ASPM: variants seen among roughly 807,000 people sequenced by gnomAD.
The protein encoded by ASPM is abnormal spindle-like microcephaly-associated protein.
A neutral mutation model predicts 366.4 loss-of-function variants in ASPM; 256 were observed. The ratio of observed to expected loss-of-function variants is 0.70; its 90% CI spans 0.63 to 0.77. The LOEUF (loss-of-function observed/expected upper bound fraction) is 0.77. Among genes scored for constraint, ASPM ranks in the 30% least tolerant of loss-of-function variants. The pLI is 0.00. For synonymous variants in ASPM, 1,414 were observed against 1,342.9 expected, an observed-to-expected ratio of 1.05 and a Z score of -1.16; for missense variants, 4,146 against 4,090.4, an observed-to-expected ratio of 1.01 and a Z score of -0.37.
chr1:197,103,863 C>A lies in ASPM; in HGVS notation c.5388G>T (p.Lys1796Asn), dbSNP rs1219531461. ...HAYKAQVNQRKNFLQVKKAAT... is the reference protein window; with the variant it reads ...HAYKAQVNQRNNFLQVKKAAT... Reference sequence around the variant, plus strand: ...CTGCTTTTTTGACTTGCAAGAAGTTCTTCCTCTGATTGACCTGTGCTTTGT... The same window carrying A: ...CTGCTTTTTTGACTTGCAAGAAGTTATTCCTCTGATTGACCTGTGCTTTGT... The change falls in exon 18 of 28, where the codon AAG becomes AAT. Residue 1796 changes from lysine to asparagine, a missense_variant. By Grantham distance (94) the Lys-to-Asn change is moderately conservative (BLOSUM62 0). Transcript: ENST00000367409. 1.2e-6 allele frequency: 2 copies of A among 1,612,972 alleles called. No homozygotes were observed. The highest frequency in any genetic ancestry group is 2.2e-5 in the South Asian group (2 of 91,066).
chr1:197,101,304 T>G lies in ASPM; in HGVS notation c.7947A>C (p.Ala2649=), dbSNP rs1312582188. 1.9e-6 allele frequency: 3 copies of G among 1,611,942 alleles called. No homozygotes were observed. Among genetic ancestry groups the G allele is most frequent in the Admixed American group, 1.7e-5 (1 of 59,724 alleles). Residue 2649 remains alanine (A), a synonymous_variant, in exon 18 of 28, where the codon GCA becomes GCC. Transcript: ENST00000367409. ...KIRKHYLHLR[A]TVVSIQRRYR... is the part of the protein sequence containing the mutation. The stretch of plus-strand genomic sequence containing the variant: ...ATCTTCTTTGAATAGAAACTACTGT[T>G]GCTCTAAGGTGGAGATAATGCTTCC...
intron 22 of ASPM, among the ~76,000 whole-genome samples, chr1:197,091,406 A>C (rs1276106496): frequency 6.6e-6 from 1 of 152,096 alleles, no homozygotes; most frequent in Admixed American, 6.6e-5. Context: ...TTCAAAATAC[A>C]TAAAGAACTC....
At chr1:197,092,946 A>G in intron 21 of ASPM, 106 bp downstream of exon 21, 1 of 959,686 alleles carries the variant, frequency 1.0e-6, no homozygotes, top group Non-Finnish European at 1.6e-6. Flanking sequence ...GTTAATGGTC[A>G]TATTAGTTCT....
chr1:197,114,736 G>T (rs1657692361), intron 17 of ASPM, among the ~76,000 whole-genome samples: 1 of 151,918 alleles, frequency 6.6e-6, no homozygotes, highest in Non-Finnish European at 1.5e-5. Flanking sequence ...ACCACACTTG[G>T]CTAGTTATTT....
Position 197,100,728 on chromosome 1 carries a change from T to C in ASPM, c.8523A>G (p.Leu2841=), listed in dbSNP as rs587783281. 13 of 1,612,366 alleles carry C rather than the reference T, an allele frequency of 8.1e-6. No homozygotes were observed. Among genetic ancestry groups the C allele is most frequent in the Non-Finnish European group, 1.0e-5 (12 of 1,179,072 alleles). ...CCATCTGAAGGAAGAACTGAATCCG[T>C]AGGGCAGCACATTTCTGTGTTTCCA... ...RKLETQKCAA[L]RIQFFLQMAV... The change falls in exon 18 of 28, where the codon CTA becomes CTG. Residue 2841 remains leucine, a synonymous_variant. Transcript: ENST00000367409.
chr1:197,084,791 C>T (rs1006979440), intron 27 of ASPM, among the ~76,000 whole-genome samples: 1 of 152,192 alleles, frequency 6.6e-6, no homozygotes, highest in African/African-American at 2.4e-5. Flanking sequence ...AAGCCAACAA[C>T]CTAGTCCGTT....
At position 197,142,374 on chromosome 1, in the gene ASPM, T is replaced by C. The variant is rs1658613117; in HGVS notation, c.1878A>G (p.Lys626=). Residue 626 remains lysine, a synonymous_variant, in exon 3 of 28, where the codon AAA becomes AAG. Coordinates refer to ENST00000367409, the MANE Select transcript of ASPM (RefSeq NM_018136.5). ...KTKNVTTPIS[K]RISNREKLNL... is the part of the protein sequence containing the mutation. ...TTAATTTCTCTCTGTTGCTAATACG[T>C]TTTGAGATGGGTGTTGTCACATTTT... The C allele has an allele frequency of 7.4e-6, 12 of 1,613,846 alleles. No homozygotes were observed. In the East Asian group the frequency reaches 2.7e-4, roughly 36 times the overall value.
intron 17 of ASPM, among the ~76,000 whole-genome samples, chr1:197,109,588 C>A (rs1196534352): frequency 1.3e-5 from 2 of 151,942 alleles, no homozygotes; most frequent in Non-Finnish European, 2.9e-5. Flanking sequence ...TCCTATTTAG[C>A]ATCATACTGG....
rs10754213 is a variant in ASPM at position 197,086,795 on chromosome 1, T to C, written c.10331+8A>G. 0.89 allele frequency: 1,409,443 copies of C among 1,591,854 alleles called. 632,356 individuals are homozygous for C. Among genetic ancestry groups the C allele is most frequent in the East Asian group, 1 (44,558 of 44,572 alleles). ...ACACAAATTTATGGACTATATTTAA[T>C]TGCTTACCTTGAAACTATTCTGGTC... On this transcript the variant is annotated splice_region_variant and intron_variant, in intron 27 of 27. Coordinates refer to ENST00000367409, the MANE Select transcript of ASPM (RefSeq NM_018136.5).
rs199422159 is a variant in ASPM at position 197,122,190 on chromosome 1, G to C, written c.3710C>G (p.Ser1237Ter). Residue 1237 changes from serine (S) to a stop codon, truncating the protein, a stop_gained, in exon 15 of 28, where the codon TCA becomes TGA. Coordinates refer to ENST00000367409, the MANE Select transcript of ASPM (RefSeq NM_018136.5). LOFTEE classifies it high-confidence loss of function. ...ATCTGGAATTGTATTTGACATATCT[G>C]AATGATTAATCATAGCAGGTATTCC... ...LGGIPAMINHSDMSNTIPDEK... is the reference protein window; with the variant it reads ...LGGIPAMINH 3 of 1,611,910 alleles carry C rather than the reference G, an allele frequency of 1.9e-6. No individual in the cohort carries two copies. Among genetic ancestry groups the C allele is most frequent in the Non-Finnish European group, 2.5e-6 (3 of 1,178,238 alleles).
chr1:197,141,389 A>G (rs1658574707), intron 3 of ASPM, among the ~76,000 whole-genome samples: 1 of 152,174 alleles, frequency 6.6e-6, no homozygotes, highest in East Asian at 1.9e-4. Context: ...AATGTTTACT[A>G]TCTGGACCAG....
In ASPM at chr1:197,102,883, A is replaced by T. The variant is rs770142752; in HGVS notation, c.6368T>A (p.Ile2123Asn). Residue 2123 changes from isoleucine (I) to asparagine (N), a missense_variant, in exon 18 of 28, where the codon ATT becomes AAT. By Grantham distance (149) the Ile-to-Asn change is moderately radical (BLOSUM62 -3). This residue lies in a region of ASPM where 3,624 missense variants were observed against 3,591.7 expected (regional missense o/e 1.01). Coordinates refer to ENST00000367409, the MANE Select transcript of ASPM (RefSeq NM_018136.5). ...CTGATGCATTTTAAACATGGCTTTA[A>T]TAAAAGTGGCTGCCCTGTGCATGTG... ...IQHMHRAATF[I>N]KAMFKMHQSR... is the part of the protein sequence containing the mutation. 2 of 1,612,570 alleles carry T rather than the reference A, an allele frequency of 1.2e-6. No homozygotes were observed. Among genetic ancestry groups the T allele is most frequent in the African/African-American group, 2.7e-5 (2 of 74,820 alleles).
chr1:197,092,183 A>G, intron 21 of ASPM, 127 bp from the exon 22 acceptor site: 1 of 860,368 alleles, frequency 1.2e-6, no homozygotes, highest in Non-Finnish European at 1.9e-6. Context: ...TTTAATCATT[A>G]CAATTACTTA....
intron 2 of ASPM, 33 bp downstream of exon 2, chr1:197,143,924 T>C: frequency 6.3e-7 from 1 of 1,576,654 alleles, no homozygotes; most frequent in Non-Finnish European, 8.7e-7. Flanking sequence ...AAACAATTTC[T>C]TAGAGTAAAT....
At position 197,096,137 on chromosome 1, in the gene ASPM, T is replaced by C. The variant is rs1558325705; in HGVS notation, c.8848A>G (p.Lys2950Glu). 8.7e-6 allele frequency: 14 copies of C among 1,608,240 alleles called. No homozygotes were observed. The highest frequency in any genetic ancestry group is 1.2e-5 in the Non-Finnish European group (14 of 1,175,884). ...GCAGCTTTCACTTTACATAAATATT[T>C]CTTGGCTCTATATCTCCTCCACATA... ...QAMWRRYRAK[K>E]YLCKVKAACK... Residue 2950 changes from lysine (K) to glutamate (E), a missense_variant, in exon 19 of 28, where the codon AAA (lysine) becomes GAA (glutamate). Around this residue, in one of 3 missense-constraint regions of ASPM, gnomAD observed 3,624 missense variants for 3,591.7 expected, o/e 1.01. Coordinates refer to ENST00000367409, the MANE Select transcript of ASPM (RefSeq NM_018136.5).
At position 197,119,995 on chromosome 1, in the gene ASPM, G is replaced by A. The variant is rs12043195; in HGVS notation, c.3870+1920C>T. ...CTGCTTAATGTTCTAAATAGAAAAC[G>A]GAAAGATATAATTGGATGTGAGGTA... is the stretch of plus-strand genomic sequence containing the variant. On this transcript the variant is annotated intron_variant, in intron 16 of 27. Coordinates refer to ENST00000367409, the MANE Select transcript of ASPM (RefSeq NM_018136.5). 6.6e-5 allele frequency among the ~76,000 whole-genome samples: 10 copies of A among 152,050 alleles called. No individual in the cohort carries two copies. The East Asian group carries it at 1.4e-3, about 21-fold the overall frequency.
At chr1:197,127,444 C>T (rs1658124545) in intron 10 of ASPM, among the ~76,000 whole-genome samples, 1 of 152,182 alleles carries the variant, frequency 6.6e-6, no homozygotes, top group Non-Finnish European at 1.5e-5. Flanking sequence ...GGCATAGCAA[C>T]TTCCTAAATA....
intron 17 of ASPM, among the ~76,000 whole-genome samples, chr1:197,106,288 T>C (rs952511285): frequency 6.6e-6 from 1 of 152,108 alleles, no homozygotes; most frequent in Non-Finnish European, 1.5e-5. Context: ...ATACATTTTA[T>C]CTTACCAAGA....
In ASPM at chr1:197,104,326, G is replaced by A. The variant is rs1657327660; in HGVS notation, c.4925C>T (p.Ala1642Val). 1.2e-6 allele frequency: 2 copies of A among 1,612,916 alleles called. No homozygotes were observed. Among genetic ancestry groups the A allele is most frequent in the East Asian group, 4.5e-5 (2 of 44,820 alleles). ...TRSAVIVLQSAYRGMQARKMY... is the reference protein window; with the variant it reads ...TRSAVIVLQSVYRGMQARKMY... ...TTTCCTGGCTTGCATCCCTCTATAT[G>A]CAGACTGCAGCACAATGACAGCAGA... Residue 1642 changes from alanine (A) to valine (V), a missense_variant, in exon 18 of 28, where the codon GCA becomes GTA. Transcript: ENST00000367409.
Sources: allele counts gnomAD v4.1 joint callset (sites outside exome capture counted in the v4.1 genomes callset), GRCh38; gene constraint gnomAD v4.1.1; regional missense constraint gnomAD v4.1.1; transcripts MANE v1.5; gene names NCBI Gene and HGNC (gene_info 2026-07-23, HGNC 2026-07-21).